Variants in VPS13B observed in about 807,000 individuals in gnomAD.
VPS13B encodes vacuolar protein sorting 13 homolog B, also known as intermembrane lipid transfer protein VPS13B.
VPS13B carries 285 observed loss-of-function variants against 426.4 expected under a neutral mutation model. The observed-to-expected ratio is 0.67, with a 90% CI of 0.61 to 0.74. The LOEUF (loss-of-function observed/expected upper bound fraction) is 0.74. Ranked by LOEUF, VPS13B falls within the 30% of genes least tolerant of loss-of-function variation. The probability of loss-of-function intolerance (pLI) is 0.00; values close to 1 mark genes in which losing one functional copy is unlikely to be tolerated. For missense variants in VPS13B, 4,537 were observed against 4,782.6 expected, an observed-to-expected ratio of 0.95 and a Z score of 1.51; for synonymous variants, 1,676 against 1,676.4, an observed-to-expected ratio of 1.00 and a Z score of 0.01.
chr8:99,741,676 A>T (rs1192812850), intron 39 of VPS13B, among the ~76,000 whole-genome samples: 1 of 152,242 alleles, frequency 6.6e-6, no homozygotes, highest in African/African-American at 2.4e-5. Flanking sequence ...AAACTCACTC[A>T]AAACCACTCA....
At chr8:99,591,409 T>G (rs1297233475) in intron 33 of VPS13B, among the ~76,000 whole-genome samples, 2 of 152,120 alleles carry the variant, frequency 1.3e-5, no homozygotes, top group Admixed American at 6.6e-5. Context: ...GTTTACTGGT[T>G]ATTTTGCCCG....
chr8:99,370,440 C>G (rs1813112951), intron 19 of VPS13B, among the ~76,000 whole-genome samples: 1 of 152,002 alleles, frequency 6.6e-6, no homozygotes, highest in African/African-American at 2.4e-5. Flanking sequence ...GATGAGAATT[C>G]AGAGAGAGGC....
intron 16 of VPS13B, among the ~76,000 whole-genome samples, chr8:99,174,762 G>A (rs1004995404): frequency 6.6e-6 from 1 of 152,094 alleles, no homozygotes; most frequent in Non-Finnish European, 1.5e-5. Flanking sequence ...AAATAGGCAA[G>A]TTATTTCCCC....
At chr8:99,321,801 A>C (rs747177233) in intron 19 of VPS13B, among the ~76,000 whole-genome samples, 2 of 152,226 alleles carry the variant, frequency 1.3e-5, no homozygotes, top group South Asian at 2.1e-4. Context: ...GAAATGTGTT[A>C]TGGGATATTG....
At chr8:99,736,747 G>GT (rs1205552772) in intron 39 of VPS13B, among the ~76,000 whole-genome samples, 23 of 8,490 alleles carry the variant, frequency 2.7e-3, no homozygotes, top group Middle Eastern at 0.042. Context: ...GAAAGATGTA[G>GT]TTTTTTACTT....
At chr8:99,260,790 T>C (rs1817999868) in intron 17 of VPS13B, among the ~76,000 whole-genome samples, 1 of 152,086 alleles carries the variant, frequency 6.6e-6, no homozygotes, top group Non-Finnish European at 1.5e-5. Flanking sequence ...AACCAAACTC[T>C]GTCCCCTTCC....
At chr8:99,607,095 C>A (rs924235854) in intron 33 of VPS13B, among the ~76,000 whole-genome samples, 1 of 152,154 alleles carries the variant, frequency 6.6e-6, no homozygotes, top group Non-Finnish European at 1.5e-5. Flanking sequence ...TTGTAAAAAA[C>A]ACAGTATCTG....
At chr8:99,273,065 A>C (rs894190211) in intron 17 of VPS13B, among the ~76,000 whole-genome samples, 1 of 152,044 alleles carries the variant, frequency 6.6e-6, no homozygotes, top group Non-Finnish European at 1.5e-5. Flanking sequence ...TCTGCTCCCA[A>C]GTATTTTGGA....
At chr8:99,028,501 G>A (rs1474415409) in intron 2 of VPS13B, among the ~76,000 whole-genome samples, 2 of 92,044 alleles carry the variant, frequency 2.2e-5, no homozygotes, top group Non-Finnish European at 2.3e-5. Flanking sequence ...TGGATGGGGC[G>A]GCTGGCCGGG....
intron 28 of VPS13B, among the ~76,000 whole-genome samples, chr8:99,510,523 GAC>G (rs1242024669): frequency 6.6e-6 from 1 of 152,058 alleles, no homozygotes; most frequent in East Asian, 1.9e-4. Flanking sequence ...TTTTGTTTGA[GAC>G]AGAGCCTCAC....
At chr8:99,488,998 A>G (rs1473591790) in intron 25 of VPS13B, among the ~76,000 whole-genome samples, 11 of 152,124 alleles carry the variant, frequency 7.2e-5, no homozygotes, top group Non-Finnish European at 1.6e-4. Context: ...GTTTTCCTCT[A>G]GGATTTTTAT....
chr8:99,177,116 T>C (rs1812675500), intron 16 of VPS13B, among the ~76,000 whole-genome samples: 1 of 152,186 alleles, frequency 6.6e-6, no homozygotes, highest in Non-Finnish European at 1.5e-5. Context: ...TGATGAGTGC[T>C]CACAGACCTG....
intron 17 of VPS13B, chr8:99,241,473 A>G (rs927190187): frequency 6.6e-6 from 1 of 152,204 alleles, no homozygotes; most frequent in Non-Finnish European, 1.5e-5. Context: ...ACAAATTTAT[A>G]TAATTACTTG....
chr8:99,242,847 G>A (rs1817007784), intron 17 of VPS13B, among the ~76,000 whole-genome samples: 1 of 152,138 alleles, frequency 6.6e-6, no homozygotes, highest in African/African-American at 2.4e-5. Flanking sequence ...AATTTAAATA[G>A]TGTTTTAATA....
chr8:99,876,489 G>A lies in VPS13B; in HGVS notation c.*823G>A, dbSNP rs1440521792. 2.0e-5 allele frequency: 3 copies of A among 152,200 alleles called. No homozygotes were observed. Among genetic ancestry groups the A allele is most frequent in the Non-Finnish European group, 4.4e-5 (3 of 68,050 alleles). The allele number at this position is 152,200 out of a possible 1,614,324, so 9.4% of individuals were successfully genotyped here. ...TTGAATCCAGTCCCAAAGTGTTCAG[G>A]TGAGTTTCTCTAGTTCCATAAACAA... On this transcript the variant is annotated 3_prime_UTR_variant, in exon 62 of 62. Transcript: ENST00000357162.
chr8:99,759,019 A>G (rs1272530005), intron 39 of VPS13B, among the ~76,000 whole-genome samples: 12 of 151,284 alleles, frequency 7.9e-5, no homozygotes. Context: ...CTTGCTTCTC[A>G]TTTTCTCTAA....
chr8:99,511,129 CTCA>C lies in VPS13B; in HGVS notation c.4254_4256del (p.His1418del). 6.2e-7 allele frequency: 1 copy of C among 1,613,388 alleles called. No homozygotes were observed. Among genetic ancestry groups the C allele is most frequent in the Non-Finnish European group, 8.5e-7 (1 of 1,179,970 alleles). On this transcript the variant is annotated inframe_deletion, in exon 29 of 62. Coordinates refer to ENST00000357162, the MANE Select transcript of VPS13B (RefSeq NM_152564.5). ...ACAACTACAAAACTTCTAGATGGCACTCATCAGCAGCATGGATTCCTCTCTCTG... is the reference window on the plus strand; with the variant it reads ...ACAACTACAAAACTTCTAGATGGCACTCAGCAGCATGGATTCCTCTCTCTG...
chr8:99,440,538 TAAAAC>T (rs1033375644), intron 22 of VPS13B, among the ~76,000 whole-genome samples: 19 of 152,138 alleles, frequency 1.2e-4, no homozygotes, highest in African/African-American at 4.6e-4. Flanking sequence ...ATATAATAGA[TAAAAC>T]ATAATAATTT....
At chr8:99,500,397 A>G (rs1052639782) in intron 25 of VPS13B, among the ~76,000 whole-genome samples, 1 of 152,148 alleles carries the variant, frequency 6.6e-6, no homozygotes, top group African/African-American at 2.4e-5. Context: ...TCAACTTGAT[A>G]ATGATAATTA....
Sources: allele counts gnomAD v4.1 joint callset (sites outside exome capture counted in the v4.1 genomes callset), GRCh38; gene constraint gnomAD v4.1.1; transcripts MANE v1.5; gene names NCBI Gene and HGNC (gene_info 2026-07-23, HGNC 2026-07-21).